ADGB: variants seen among roughly 807,000 people sequenced by gnomAD.
ADGB encodes the protein androglobin.
A neutral mutation model predicts 210.5 loss-of-function variants in ADGB; 172 were observed. The observed-to-expected ratio is 0.82, with a 90% CI of 0.72 to 0.93. The LOEUF is 0.93. Ranked by LOEUF, ADGB falls within the 40% of genes least tolerant of loss-of-function variation. ADGB has a pLI of 0.00. For synonymous variants in ADGB, 658 were observed against 662.7 expected (o/e 0.99, Z 0.11); for missense variants, 2,025 against 1,964.8 (o/e 1.03, Z -0.58).
chr6:146,801,442 T>C (rs938886570), intron 34 of ADGB, among the ~76,000 whole-genome samples, 163 bp downstream of exon 34: 2 of 152,168 alleles, frequency 1.3e-5, no homozygotes, highest in African/African-American at 4.8e-5. Context: ...TTTAATTAGA[T>C]TCAATTTTTA....
At chr6:146,729,862 T>C (rs1269869393) in intron 20 of ADGB, among the ~76,000 whole-genome samples, 1 of 152,240 alleles carries the variant, frequency 6.6e-6, no homozygotes, top group Non-Finnish European at 1.5e-5. Context: ...TTCTTATGAT[T>C]CTTTGTATTT....
chr6:146,760,888 G>A (rs1339849709), intron 27 of ADGB, among the ~76,000 whole-genome samples: 2 of 151,842 alleles, frequency 1.3e-5, no homozygotes, highest in Non-Finnish European at 2.9e-5. Context: ...CTGAACATGT[G>A]TATAACTTAT....
intron 3 of ADGB, among the ~76,000 whole-genome samples, chr6:146,650,798 A>C (rs1405266807): frequency 6.6e-6 from 1 of 152,116 alleles, no homozygotes; most frequent in Non-Finnish European, 1.5e-5. Context: ...CACAAACGCC[A>C]ACGGATCTGA....
chr6:146,653,414 G>T (rs959483107), intron 3 of ADGB, among the ~76,000 whole-genome samples: 1 of 151,974 alleles, frequency 6.6e-6, no homozygotes, highest in Non-Finnish European at 1.5e-5. Flanking sequence ...AAAAGGTTGG[G>T]GACCACTGTT....
At position 146,788,282 on chromosome 6, in the gene ADGB, T is replaced by G. The variant is rs190439915; in HGVS notation, c.4316-107T>G. 11 of 1,017,758 alleles carry G rather than the reference T, an allele frequency of 1.1e-5. No individual in the cohort carries two copies. In the East Asian group the frequency reaches 2.6e-4, roughly 24 times the overall value. The allele number at this position is 1,017,758 out of a possible 1,614,324, so 63.0% of individuals were successfully genotyped here. A position where few individuals can be genotyped will look rare whatever the true frequency, so the allele number is the denominator to read the frequency against. The stretch of plus-strand genomic sequence containing the variant: ...CTCTGGTTAGAAGTTATAGAGCTTT[T>G]GAGTCATCTGCTCTAAATCTGTGCT... On this transcript the variant is annotated intron_variant, in intron 32 of 35. Coordinates refer to ENST00000397944, the MANE Select transcript of ADGB (RefSeq NM_024694.4).
intron 17 of ADGB, 131 bp downstream of exon 17, chr6:146,721,636 T>C (rs907087619): frequency 1.7e-6 from 1 of 588,102 alleles, no homozygotes; most frequent in Non-Finnish European, 3.0e-6. Flanking sequence ...TCAGGAGTCC[T>C]AGGCCAGCCT....
chr6:146,751,592 A>G (rs898242706), intron 26 of ADGB, among the ~76,000 whole-genome samples: 2 of 152,094 alleles, frequency 1.3e-5, no homozygotes, highest in African/African-American at 4.8e-5. Context: ...TTACATTCTC[A>G]CCAACGGTGT....
chr6:146,740,483 G>A lies in ADGB; in HGVS notation c.2913G>A (p.Lys971=). 1 of 1,547,082 alleles carries A rather than the reference G, an allele frequency of 6.5e-7. No individual in the cohort carries two copies. The highest frequency in any genetic ancestry group is 8.7e-7 in the Non-Finnish European group (1 of 1,144,294). The change falls in exon 24 of 36, where the codon AAG becomes AAA. Residue 971 remains lysine (K), a synonymous_variant. Coordinates refer to ENST00000397944, the MANE Select transcript of ADGB (RefSeq NM_024694.4). ...GACTAATGTTTAAAAGCAAGTGCAA[G>A]TCTTTGGAATCTTATCCATGCTATC... ...LLRLMFKSKC[K]SLESYPCYQD...
chr6:146,678,264 T>A (rs777374519), intron 9 of ADGB, among the ~76,000 whole-genome samples: 58 of 152,348 alleles, frequency 3.8e-4, no homozygotes, highest in Non-Finnish European at 7.1e-4. Context: ...TCTTGCTGTG[T>A]CGCCCAGGCT....
At chr6:146,663,750 T>C (rs1775899843) in intron 5 of ADGB, among the ~76,000 whole-genome samples, 1 of 152,124 alleles carries the variant, frequency 6.6e-6, no homozygotes, top group South Asian at 2.1e-4. Context: ...AGGAATAATA[T>C]GAGAATTGGA....
intron 33 of ADGB, among the ~76,000 whole-genome samples, chr6:146,794,329 G>A (rs975973903): frequency 1.3e-5 from 2 of 152,120 alleles, no homozygotes; most frequent in African/African-American, 4.8e-5. Context: ...ACTTGCCAAG[G>A]TAGCTCCGGT....
intron 9 of ADGB, among the ~76,000 whole-genome samples, chr6:146,679,706 T>C (rs75741106): frequency 0.013 from 1,968 of 152,328 alleles, 35 homozygotes; most frequent in African/African-American, 0.045. Context: ...TCGATATCTA[T>C]GAATACTAAT....
chr6:146,810,744 G>A (rs259376), intron 35 of ADGB, among the ~76,000 whole-genome samples: 91,952 of 151,830 alleles, frequency 0.61, 28,208 homozygotes, highest in East Asian at 0.78. Context: ...GTGGAATTGT[G>A]AAAGTTGAAC....
intron 3 of ADGB, among the ~76,000 whole-genome samples, chr6:146,652,721 A>G (rs777175126): frequency 3.3e-5 from 5 of 152,160 alleles, no homozygotes; most frequent in Non-Finnish European, 5.9e-5. Context: ...GATTTTAAAA[A>G]GCTATCACAA....
chr6:146,607,486 A>C (rs939316074), intron 1 of ADGB, among the ~76,000 whole-genome samples: 2 of 152,158 alleles, frequency 1.3e-5, no homozygotes, highest in Non-Finnish European at 2.9e-5. Context: ...CTCAAGGGGA[A>C]TGCTTCCAAC....
At chr6:146,703,052 T>C (rs1473835270) in intron 13 of ADGB, among the ~76,000 whole-genome samples, 2 of 151,934 alleles carry the variant, frequency 1.3e-5, no homozygotes, top group Non-Finnish European at 2.9e-5. Flanking sequence ...TGAACAGCTT[T>C]GTATACATTT....
At chr6:146,615,237 C>T (rs1018435187) in intron 1 of ADGB, among the ~76,000 whole-genome samples, 8 of 149,270 alleles carry the variant, frequency 5.4e-5, no homozygotes, top group Admixed American at 4.0e-4. Flanking sequence ...CCAGAACTCA[C>T]GTGACCTGAG....
At chr6:146,672,068 T>G (rs1294611099) in intron 7 of ADGB, among the ~76,000 whole-genome samples, 152 bp from the exon 8 acceptor site, 2 of 152,098 alleles carry the variant, frequency 1.3e-5, no homozygotes, top group East Asian at 3.9e-4. Flanking sequence ...GAATGTCTAA[T>G]ACATAATGCT....
In ADGB at chr6:146,676,288, TTATTG is replaced by T; in HGVS notation, c.1088-23_1088-19del. 30 of 1,526,890 alleles carry T rather than the reference TTATTG, an allele frequency of 2.0e-5. No individual in the cohort carries two copies. The highest frequency in any genetic ancestry group is 2.6e-5 in the Non-Finnish European group (29 of 1,134,924). The allele number at this position is 1,526,890 out of a possible 1,614,324, so 94.6% of individuals were successfully genotyped here. Reference sequence around the variant, plus strand: ...GTTTGAGATTGTCTAGTTAAAATATTTATTGTGATTTTTTCATATGTTAGAGAAAG... The same window carrying T: ...GTTTGAGATTGTCTAGTTAAAATATTTGATTTTTTCATATGTTAGAGAAAG... On this transcript the variant is annotated intron_variant, in intron 8 of 35. Transcript: ENST00000397944.
Sources: gnomAD v4.1 joint callset for allele counts (sites outside exome capture counted in the v4.1 genomes callset) on GRCh38, gnomAD v4.1.1 for gene constraint, MANE v1.5 for transcripts, NCBI Gene and HGNC (gene_info 2026-07-23, HGNC 2026-07-21) for gene names.